Variants in NID1 observed in about 807,000 individuals in gnomAD.
The protein encoded by NID1 is nidogen 1.
A neutral mutation model predicts 130.6 loss-of-function variants in NID1; 76 were observed. That is an observed-to-expected ratio of 0.58 (90% confidence interval 0.48 to 0.70). NID1 has a LOEUF of 0.70. Among genes scored for constraint, NID1 ranks in the 30% least tolerant of loss-of-function variants. The pLI, the probability that NID1 is intolerant of heterozygous loss-of-function variation, is 0.00. For missense variants in NID1, 1,517 were observed against 1,664.8 expected (o/e 0.91, Z 1.54); for synonymous variants, 665 against 675.1 (o/e 0.98, Z 0.23).
chr1:236,019,748 C>A (rs1262312222), intron 9 of NID1, among the ~76,000 whole-genome samples: 1 of 152,122 alleles, frequency 6.6e-6, no homozygotes, highest in Non-Finnish European at 1.5e-5. Flanking sequence ...TAATTTAAAT[C>A]TTCTCTTCTA....
chr1:235,985,554 T>C (rs766162219), intron 14 of NID1, 49 bp from the exon 15 acceptor site: 22 of 1,604,606 alleles, frequency 1.4e-5, no homozygotes, highest in Non-Finnish European at 1.9e-5. Flanking sequence ...AAGCATCTGA[T>C]AGTGAGAATC....
At chr1:236,025,227 C>G (rs1202929599) in intron 8 of NID1, among the ~76,000 whole-genome samples, 3 of 150,688 alleles carry the variant, frequency 2.0e-5, no homozygotes, top group African/African-American at 7.3e-5. Context: ...ACTGGGATTA[C>G]AGGCATGAGC....
In NID1 at chr1:236,003,079, T is replaced by TA. The variant is rs1177000075; in HGVS notation, c.2527+8841_2527+8842insT. 2.5e-3 allele frequency among the ~76,000 whole-genome samples: 365 copies of TA among 148,294 alleles called. 36 individuals are homozygous for TA. Among genetic ancestry groups the TA allele is most frequent in the African/African-American group, 2.7e-3 (110 of 40,720 alleles). On this transcript the variant is annotated intron_variant, in intron 12 of 19. Coordinates refer to ENST00000264187, the MANE Select transcript of NID1 (RefSeq NM_002508.3). Reference sequence around the variant, plus strand: ...CTGGTTATCACTCCTAGTGAACGAGTGGTAGTTGTCACTCCTAGTGAACGA... The same window carrying TA: ...CTGGTTATCACTCCTAGTGAACGAGTAGGTAGTTGTCACTCCTAGTGAACGA...
chr1:236,016,457 G>A (rs145636853), intron 10 of NID1, among the ~76,000 whole-genome samples: 124 of 152,272 alleles, frequency 8.1e-4, no homozygotes, highest in African/African-American at 2.8e-3. Flanking sequence ...GTTCAGATGC[G>A]CATTTGACAT....
intron 5 of NID1, among the ~76,000 whole-genome samples, chr1:236,037,307 G>C (rs890945194): frequency 1.3e-5 from 2 of 152,172 alleles, no homozygotes; most frequent in African/African-American, 4.8e-5. Context: ...AACTTTACTT[G>C]CCACAGACTT....
intron 11 of NID1, among the ~76,000 whole-genome samples, chr1:236,012,578 A>AAAAAAAAAAAAAAAAAAAAG (rs1553343926): frequency 2.0e-5 from 2 of 99,542 alleles, no homozygotes; most frequent in African/African-American, 8.7e-5. Context: ...AAAAAAAAAA[A>AAAAAAAAAAAAAAAAAAAAG]AAAGAAAGAA....
intron 9 of NID1, among the ~76,000 whole-genome samples, chr1:236,023,058 C>CA (rs36037520): frequency 0.3 from 41,024 of 138,316 alleles, 7,822 homozygotes; most frequent in East Asian, 0.69. Flanking sequence ...GACGCCATCT[C>CA]AAAAAAAAAA....
intron 10 of NID1, among the ~76,000 whole-genome samples, chr1:236,016,858 C>T (rs763975733): frequency 2.6e-5 from 4 of 151,982 alleles, no homozygotes; most frequent in Non-Finnish European, 4.4e-5. Context: ...TTATTAAAAG[C>T]ATAATGAAAA....
intron 16 of NID1, among the ~76,000 whole-genome samples, 172 bp downstream of exon 16, chr1:235,981,439 T>C (rs910829579): frequency 6.6e-6 from 1 of 152,218 alleles, no homozygotes; most frequent in African/African-American, 2.4e-5. Flanking sequence ...CTGTAATACA[T>C]GTTCTGGCAT....
intron 3 of NID1, among the ~76,000 whole-genome samples, chr1:236,045,242 T>A (rs992086117): frequency 1.3e-5 from 2 of 150,346 alleles, no homozygotes; most frequent in African/African-American, 2.4e-5. Context: ...AGAACTATTT[T>A]AAATGAGGAT....
chr1:236,064,627 C>A, intron 1 of NID1: 2 of 551,258 alleles, frequency 3.6e-6, no homozygotes, highest in African/African-American at 2.0e-5. Flanking sequence ...CGGCCCGGGG[C>A]GCGCGGAGCC....
At chr1:236,038,917 T>C (rs1009975255) in intron 4 of NID1, among the ~76,000 whole-genome samples, 2 of 142,014 alleles carry the variant, frequency 1.4e-5, no homozygotes, top group Admixed American at 7.3e-5. Flanking sequence ...ATAAATATAT[T>C]ACATATATGT....
intron 9 of NID1, 137 bp downstream of exon 9, chr1:236,023,933 A>T: frequency 8.8e-7 from 1 of 1,141,036 alleles, no homozygotes. Context: ...AGCATAAATA[A>T]TTCAGGCCTG....
intron 1 of NID1, among the ~76,000 whole-genome samples, chr1:236,055,303 C>A (rs1162950329): frequency 1.3e-5 from 2 of 151,142 alleles, no homozygotes; most frequent in African/African-American, 4.9e-5. Context: ...GACTCCATCT[C>A]AAAAATAATA....
chr1:236,054,723 C>T (rs1172031180), intron 1 of NID1, among the ~76,000 whole-genome samples: 1 of 149,486 alleles, frequency 6.7e-6, no homozygotes, highest in Admixed American at 6.7e-5. Flanking sequence ...CTCACTGCAA[C>T]CTCTATCTCC....
chr1:235,996,210 G>C (rs1439247853), intron 12 of NID1, among the ~76,000 whole-genome samples: 1 of 152,086 alleles, frequency 6.6e-6, no homozygotes, highest in African/African-American at 2.4e-5. Context: ...ACTGTGCTGG[G>C]GGATGCACAC....
At chr1:235,985,599 G>A (rs1361767132) in intron 14 of NID1, 94 bp from the exon 15 acceptor site, 1 of 1,381,882 alleles carries the variant, frequency 7.2e-7, no homozygotes, top group Non-Finnish European at 1.0e-6. Context: ...GATATCTTTT[G>A]TAATGAAGTG....
chr1:236,027,804 T>G (rs2102828214), intron 7 of NID1, among the ~76,000 whole-genome samples: 1 of 151,282 alleles, frequency 6.6e-6, no homozygotes, highest in East Asian at 2.0e-4. Flanking sequence ...ACCACAGCCT[T>G]GGTGACAGAG....
At chr1:236,000,169 G>A (rs950549211) in intron 12 of NID1, among the ~76,000 whole-genome samples, 10 of 151,958 alleles carry the variant, frequency 6.6e-5, no homozygotes, top group African/African-American at 2.2e-4. Flanking sequence ...AGCTGAGATT[G>A]CGCCACTGCA....
Sources: allele counts gnomAD v4.1 joint callset (sites outside exome capture counted in the v4.1 genomes callset), GRCh38; gene constraint gnomAD v4.1.1; transcripts MANE v1.5; gene names NCBI Gene and HGNC (gene_info 2026-07-23, HGNC 2026-07-21).